The following TTLL9 variants were observed in gnomAD, a reference collection of about 807,000 sequenced individuals.
The protein encoded by TTLL9 is probable tubulin polyglutamylase TTLL9.
In TTLL9, 47 loss-of-function variants were observed where a neutral mutation model predicts 65.6. The observed-to-expected ratio is 0.72, with a 90% CI of 0.57 to 0.91. TTLL9 has a LOEUF of 0.91. Ranked by LOEUF, TTLL9 falls within the 40% of genes least tolerant of loss-of-function variation. TTLL9 has a pLI of 0.00. For missense variants in TTLL9, 537 were observed against 568.8 expected (o/e 0.94, Z 0.57); for synonymous variants, 179 against 204.8 (o/e 0.87, Z 1.07).
chr20:31,901,975 A>G (rs2063486096), intron 4 of TTLL9, among the ~76,000 whole-genome samples: 1 of 152,250 alleles, frequency 6.6e-6, no homozygotes, highest in Non-Finnish European at 1.5e-5. Flanking sequence ...TCTCTGACAC[A>G]GAGATAACCT....
At chr20:31,873,684 G>GAGAAAGAA (rs143514524) in intron 2 of TTLL9, among the ~76,000 whole-genome samples, 2,330 of 100,534 alleles carry the variant, frequency 0.023, 50 homozygotes, top group East Asian at 0.053. Context: ...AAGAGAGAGA[G>GAGAAAGAA]AGAAAGAAAG....
At chr20:31,938,673 TTTGAGAC>T (rs2064156958) in intron 13 of TTLL9, among the ~76,000 whole-genome samples, 1 of 152,006 alleles carries the variant, frequency 6.6e-6, no homozygotes, top group African/African-American at 2.4e-5. Flanking sequence ...AGGTCAGGCG[TTTGAGAC>T]CATCCTGGCC....
intron 6 of TTLL9, among the ~76,000 whole-genome samples, chr20:31,912,870 G>T (rs2063678112): frequency 6.6e-6 from 1 of 152,098 alleles, no homozygotes. Context: ...TAAAATTAAT[G>T]ATTGCAGGCC....
At chr20:31,877,030 C>T (rs1263075188) in intron 2 of TTLL9, among the ~76,000 whole-genome samples, 1 of 152,102 alleles carries the variant, frequency 6.6e-6, no homozygotes, top group Non-Finnish European at 1.5e-5. Flanking sequence ...TATTTATATC[C>T]TTTGCCCATT....
chr20:31,875,437 CCAAA>C (rs34325205), intron 2 of TTLL9, among the ~76,000 whole-genome samples: 13,038 of 152,108 alleles, frequency 0.086, 737 homozygotes, highest in African/African-American at 0.15. Context: ...GGAAACAAGA[CCAAA>C]CAGGTTTGGA....
At chr20:31,919,336 G>T (rs2063780733) in intron 6 of TTLL9, among the ~76,000 whole-genome samples, 1 of 152,164 alleles carries the variant, frequency 6.6e-6, no homozygotes, top group South Asian at 2.1e-4. Context: ...TAGGCACTGT[G>T]AGTGTGCAAG....
At chr20:31,908,455 G>C (rs910362824) in intron 4 of TTLL9, 136 bp from the exon 5 acceptor site, 1 of 625,696 alleles carries the variant, frequency 1.6e-6, no homozygotes. Context: ...GGCACCCATG[G>C]CCACCTCCAA....
chr20:31,941,188 G>C (rs1337103798), intron 14 of TTLL9: 1 of 141,680 alleles, frequency 7.1e-6, no homozygotes, highest in East Asian at 2.1e-4. Context: ...CTGCACTCCA[G>C]CCTGGGCGAC....
chr20:31,929,325 A>G (rs1287504553), intron 10 of TTLL9, among the ~76,000 whole-genome samples: 1 of 152,264 alleles, frequency 6.6e-6, no homozygotes, highest in African/African-American at 2.4e-5. Flanking sequence ...TAATAAAATA[A>G]TAAAACATTG....
intron 13 of TTLL9, among the ~76,000 whole-genome samples, chr20:31,938,648 C>T (rs377163770): frequency 1.3e-5 from 2 of 152,120 alleles, no homozygotes; most frequent in Non-Finnish European, 2.9e-5. Context: ...GAGGCCGAGG[C>T]GGGCAGATCA....
chr20:31,879,736 A>G, intron 2 of TTLL9: 2 of 1,379,482 alleles, frequency 1.4e-6, no homozygotes, highest in South Asian at 1.3e-5. Context: ...GGTGGACCAG[A>G]GCCTGCGCAC....
intron 12 of TTLL9, 89 bp downstream of exon 12, chr20:31,934,977 C>G: frequency 1.6e-6 from 2 of 1,263,784 alleles, no homozygotes; most frequent in Non-Finnish European, 2.2e-6. Context: ...TCTGCCAATT[C>G]CTAGTTGTAT....
intron 12 of TTLL9, among the ~76,000 whole-genome samples, chr20:31,936,576 A>C (rs1311739581): frequency 1.3e-5 from 2 of 152,084 alleles, no homozygotes; most frequent in African/African-American, 4.8e-5. Context: ...GGCTGGCCAC[A>C]GCCACCCCTT....
At chr20:31,888,034 G>A (rs1276837935) in intron 3 of TTLL9, among the ~76,000 whole-genome samples, 6 of 151,806 alleles carry the variant, frequency 4.0e-5, no homozygotes, top group East Asian at 1.9e-4. Context: ...ACAGGTATGC[G>A]CCACCGTGAC....
intron 13 of TTLL9, chr20:31,938,338 G>T: frequency 2.6e-6 from 1 of 389,004 alleles, no homozygotes. Flanking sequence ...AGGGAGGGAG[G>T]AGTGGTTCTC....
In TTLL9 at chr20:31,880,653, C is replaced by T. The variant is rs976899584; in HGVS notation, c.70-6543C>T. On this transcript the variant is annotated intron_variant, in intron 2 of 14. Transcript: ENST00000535842. ...GACTACAGGCGCTCGCCACCACGCC[C>T]AGCTAATTTTTGTATTTTTAGTAGA... Among the ~76,000 whole-genome samples the T allele has an allele frequency of 3.9e-5, 6 of 151,926 alleles. 1 individual carries two copies. The highest frequency in any genetic ancestry group is 8.8e-5 in the Non-Finnish European group (6 of 67,978).
At chr20:31,887,857 T>TCTTCTCTTCC (rs1275353737) in intron 3 of TTLL9, among the ~76,000 whole-genome samples, 1 of 131,592 alleles carries the variant, frequency 7.6e-6, no homozygotes, top group African/African-American at 3.2e-5. Context: ...TCTCCTCTCC[T>TCTTCTCTTCC]CTTCTCTTCT....
intron 6 of TTLL9, among the ~76,000 whole-genome samples, chr20:31,919,066 A>T (rs62206322): frequency 0.067 from 10,257 of 152,154 alleles, 569 homozygotes; most frequent in African/African-American, 0.15. Flanking sequence ...AGGTAAGATG[A>T]CTTGGGAGAT....
chr20:31,889,708 C>A (rs1424821583), intron 3 of TTLL9, among the ~76,000 whole-genome samples: 1 of 151,196 alleles, frequency 6.6e-6, no homozygotes, highest in Non-Finnish European at 1.5e-5. Flanking sequence ...GTGTGAGCCA[C>A]GGTGCCCGGC....
Sources: allele counts gnomAD v4.1 joint callset (sites outside exome capture counted in the v4.1 genomes callset), GRCh38; gene constraint gnomAD v4.1.1; transcripts MANE v1.5; gene names NCBI Gene and HGNC (gene_info 2026-07-23, HGNC 2026-07-21).